Variants in INSL6 observed in about 807,000 individuals in gnomAD.
INSL6 encodes insulin like 6.
Under a neutral mutation model 9.4 loss-of-function variants are expected in INSL6, and 16 were observed. That is an observed-to-expected ratio of 1.70 (90% CI 1.15 to 2.59). INSL6 has a LOEUF of 2.59. Ranked by LOEUF, INSL6 falls within the 30% of genes most tolerant of loss-of-function variation. The pLI is 0.00. For missense variants in INSL6, 391 were observed against 257.3 expected (o/e 1.52, Z -3.56); for synonymous variants, 154 against 96.9 (o/e 1.59, Z -3.46).
intron 1 of INSL6, among the ~76,000 whole-genome samples, chr9:5,176,636 A>G (rs1825314786): frequency 6.6e-6 from 1 of 152,194 alleles, no homozygotes; most frequent in Non-Finnish European, 1.5e-5. Flanking sequence ...AAGATTATAT[A>G]GCATAAACCT....
At chr9:5,037,524 G>A in the INSL6 span, among the ~76,000 whole-genome samples, 1 of 152,188 alleles carries the variant, frequency 6.6e-6, no homozygotes, top group Non-Finnish European at 1.5e-5. Flanking sequence ...ATACTGTGCA[G>A]CCATGAAAAA....
the INSL6 span, among the ~76,000 whole-genome samples, chr9:4,994,861 T>TA: frequency 8.5e-5 from 13 of 152,264 alleles, no homozygotes; most frequent in Non-Finnish European, 1.5e-4. Flanking sequence ...TATTCTTTCA[T>TA]AAAAAAATTA....
rs1052865668 is a variant in INSL6 at position 5,184,746 on chromosome 9, G to C, written c.289+568C>G. ...AACTCTTAAATGAAGCCTGATAGGA[G>C]AACGGACCAGGCCTATCTCCTGGTA... On this transcript the variant is annotated intron_variant, in intron 1 of 1. Coordinates refer to ENST00000381641, the MANE Select transcript of INSL6 (RefSeq NM_007179.3). 4.6e-5 allele frequency among the ~76,000 whole-genome samples: 7 copies of C among 152,202 alleles called. No individual in the cohort carries two copies. In the South Asian group the frequency reaches 1.5e-3, roughly 32 times the overall value.
intron 1 of INSL6, among the ~76,000 whole-genome samples, chr9:5,165,970 C>T (rs747540346): frequency 1.3e-5 from 2 of 152,136 alleles, no homozygotes; most frequent in South Asian, 4.2e-4. Flanking sequence ...GGCACCTGAC[C>T]CAAAAGAAAC....
intron 1 of INSL6, among the ~76,000 whole-genome samples, chr9:5,183,454 TTAA>T (rs1825502017): frequency 6.6e-6 from 1 of 152,236 alleles, no homozygotes; most frequent in South Asian, 2.1e-4. Flanking sequence ...CTGCTCATTA[TTAA>T]TGACATTTAT....
the INSL6 span, among the ~76,000 whole-genome samples, chr9:5,115,109 T>G: frequency 1.3e-5 from 2 of 151,936 alleles, no homozygotes; most frequent in East Asian, 3.9e-4. Flanking sequence ...CAAAAGAAAC[T>G]GATCAGAGTG....
At chr9:5,112,511 T>C in the INSL6 span, 8 of 560,138 alleles carry the variant, frequency 1.4e-5, no homozygotes, top group Non-Finnish European at 1.9e-5. Context: ...GATGACCTTT[T>C]CCCCCCAGAG....
intron 2 of INSL6, among the ~76,000 whole-genome samples, chr9:5,152,063 T>C (rs1824723574): frequency 6.6e-6 from 1 of 152,090 alleles, no homozygotes; most frequent in Admixed American, 6.5e-5. Flanking sequence ...AGCAAAATAA[T>C]TTTGAAATAC....
At chr9:5,167,685 C>G (rs748521987) in intron 1 of INSL6, among the ~76,000 whole-genome samples, 1 of 152,186 alleles carries the variant, frequency 6.6e-6, no homozygotes, top group Non-Finnish European at 1.5e-5. Flanking sequence ...TCTTTCCTGC[C>G]TACTGGCTCT....
the INSL6 span, among the ~76,000 whole-genome samples, chr9:5,021,077 A>C: frequency 1.3e-5 from 2 of 152,022 alleles, no homozygotes; most frequent in African/African-American, 4.8e-5. Context: ...TTTGCAGTGA[A>C]AATGTGGGCC....
the INSL6 span, among the ~76,000 whole-genome samples, chr9:5,075,621 T>C: frequency 2.6e-5 from 4 of 152,170 alleles, no homozygotes; most frequent in East Asian, 1.9e-4. Flanking sequence ...GAAAAAAAGA[T>C]TGCTTTCAAA....
chr9:5,040,974 G>A, the INSL6 span: 5 of 586,244 alleles, frequency 8.5e-6, no homozygotes, highest in African/African-American at 1.9e-5. Flanking sequence ...ACAAATATGT[G>A]GCTATCAAAT....
At chr9:5,085,132 C>G in the INSL6 span, 15 of 647,182 alleles carry the variant, frequency 2.3e-5, no homozygotes, top group Non-Finnish European at 4.5e-5. Flanking sequence ...TACACCATCA[C>G]TCTGTAATAC....
the INSL6 span, among the ~76,000 whole-genome samples, chr9:5,087,627 A>C: frequency 6.6e-6 from 1 of 152,244 alleles, no homozygotes; most frequent in African/African-American, 2.4e-5. Context: ...TTTGCCTATC[A>C]AAGTGACAAG....
At chr9:5,077,564 G>T in the INSL6 span, 2 of 1,486,912 alleles carry the variant, frequency 1.3e-6, no homozygotes, top group Non-Finnish European at 1.8e-6. Context: ...CAGTTGGCAT[G>T]GGCCATGCAT....
the INSL6 span, among the ~76,000 whole-genome samples, chr9:5,102,492 C>G: frequency 7.9e-5 from 12 of 152,158 alleles, no homozygotes; most frequent in Admixed American, 2.6e-4. Context: ...AGGAGAACTT[C>G]CCCGACCTAC....
At chr9:5,107,394 A>G in the INSL6 span, among the ~76,000 whole-genome samples, 96,940 of 151,912 alleles carry the variant, frequency 0.64, 32,984 homozygotes, top group African/African-American at 0.89. Context: ...AATTCTTCCT[A>G]GTAGCCAACA....
the INSL6 span, among the ~76,000 whole-genome samples, chr9:5,008,844 C>T: frequency 6.6e-6 from 1 of 152,132 alleles, no homozygotes; most frequent in Non-Finnish European, 1.5e-5. Context: ...TAGAGCTTCT[C>T]TTTAGAATTG....
chr9:5,078,833 G>T, the INSL6 span, among the ~76,000 whole-genome samples: 2 of 151,980 alleles, frequency 1.3e-5, no homozygotes. Flanking sequence ...CCTCTGTGAA[G>T]AAATTAGTTT....
Sources: gnomAD v4.1 joint callset for allele counts (sites outside exome capture counted in the v4.1 genomes callset) on GRCh38, gnomAD v4.1.1 for gene constraint, MANE v1.5 for transcripts, NCBI Gene and HGNC (gene_info 2026-07-23, HGNC 2026-07-21) for gene names.